The following FGF18 variants were observed in gnomAD, a reference collection of about 807,000 sequenced individuals.
FGF18 encodes fibroblast growth factor 18.
In FGF18, 5 loss-of-function variants were observed where a neutral mutation model predicts 23.0. That is an observed-to-expected ratio of 0.22 (90% CI 0.11 to 0.46). The LOEUF (loss-of-function observed/expected upper bound fraction) is 0.46. Among genes scored for constraint, FGF18 ranks in the 20% least tolerant of loss-of-function variants. The pLI is 0.99. For synonymous variants in FGF18, 117 were observed against 118.9 expected (o/e 0.98, Z 0.10); for missense variants, 180 against 291.6 (o/e 0.62, Z 2.79).
chr5:171,430,168 C>T (rs1006189253), intron 2 of FGF18, among the ~76,000 whole-genome samples: 3 of 151,550 alleles, frequency 2.0e-5, no homozygotes, highest in Non-Finnish European at 4.4e-5. Flanking sequence ...ACCAGCCTGG[C>T]CAAGATGGTG....
At chr5:171,422,257 G>C (rs1303285144) in intron 2 of FGF18, among the ~76,000 whole-genome samples, 1 of 152,096 alleles carries the variant, frequency 6.6e-6, no homozygotes, top group Non-Finnish European at 1.5e-5. Flanking sequence ...CCAGCATCTT[G>C]GGAAAGAGCT....
At chr5:171,439,006 C>T (rs994446126) in intron 3 of FGF18, among the ~76,000 whole-genome samples, 2 of 152,166 alleles carry the variant, frequency 1.3e-5, no homozygotes, top group Non-Finnish European at 2.9e-5. Flanking sequence ...GATTTTATAA[C>T]ATGCAGTCTC....
At chr5:171,455,866 G>A (rs1282066104) in intron 4 of FGF18, among the ~76,000 whole-genome samples, 1 of 152,204 alleles carries the variant, frequency 6.6e-6, no homozygotes, top group Non-Finnish European at 1.5e-5. Context: ...GGCTATCTGG[G>A]TGGAGAGTGG....
chr5:171,441,653 G>A (rs1772347389), intron 3 of FGF18, among the ~76,000 whole-genome samples: 1 of 152,176 alleles, frequency 6.6e-6, no homozygotes, highest in Non-Finnish European at 1.5e-5. Flanking sequence ...CCCACTATCT[G>A]TCTCCCGTGT....
intron 3 of FGF18, among the ~76,000 whole-genome samples, chr5:171,439,292 C>A (rs62383992): frequency 0.033 from 4,992 of 152,286 alleles, 144 homozygotes; most frequent in Non-Finnish European, 0.052. Context: ...AAAGCTCTCC[C>A]AGTACTGAAA....
At position 171,456,793 on chromosome 5, in the gene FGF18, A is replaced by G. The variant is rs760200497; in HGVS notation, c.612A>G (p.Thr204=). Residue 204 remains threonine (T), a synonymous_variant, in exon 5 of 5, where the codon ACA becomes ACG. Coordinates refer to ENST00000274625, the MANE Select transcript of FGF18 (RefSeq NM_003862.3). The surrounding 1 kb of genome is among the most constrained non-coding windows in gnomAD (Gnocchi z 6.1). ...VTKRSRRIRP[T]HPA is the part of the protein sequence containing the mutation. ...AGAGGTCCCGTCGGATCCGGCCCAC[A>G]CACCCTGCCTAGGCCACCCCGCCGC... The G allele has an allele frequency of 1.9e-6, 3 of 1,613,114 alleles. No homozygotes were observed. The highest frequency in any genetic ancestry group is 2.2e-5 in the South Asian group (2 of 91,042).
intron 3 of FGF18, among the ~76,000 whole-genome samples, chr5:171,442,400 G>A (rs895756502): frequency 6.6e-6 from 1 of 152,198 alleles, no homozygotes; most frequent in African/African-American, 2.4e-5. Flanking sequence ...GACTCGGTGT[G>A]ACCTCTCAGT....
In FGF18 at chr5:171,436,123, C is replaced by T. The variant is rs1316355669; in HGVS notation, c.100C>T (p.Arg34Cys). The change falls in exon 3 of 5, where the codon CGC (arginine) becomes TGC (cysteine). Residue 34 changes from arginine to cysteine, a missense_variant. By Grantham distance (180) the Arg-to-Cys change is radical. Around this residue, in one of 3 missense-constraint regions of FGF18, gnomAD observed 57 missense variants for 59.8 expected, o/e 0.95. Coordinates refer to ENST00000274625, the MANE Select transcript of FGF18 (RefSeq NM_003862.3). The surrounding 1 kb of genome is among the most constrained non-coding windows in gnomAD (Gnocchi z 4.4). ...VLVAEENVDF[R>C]IHVENQTRAR... Reference sequence around the variant, plus strand: ...GGTTGCCGAGGAGAACGTGGACTTCCGCATCCACGTGGAGAACCAGACGCG... The same window carrying T: ...GGTTGCCGAGGAGAACGTGGACTTCTGCATCCACGTGGAGAACCAGACGCG... 4 of 1,573,336 alleles carry T rather than the reference C, an allele frequency of 2.5e-6. No homozygotes were observed. The highest frequency in any genetic ancestry group is 1.8e-5 in the Admixed American group (1 of 56,102).
At position 171,456,991 on chromosome 5, in the gene FGF18, T is replaced by C. The variant is rs1772595065; in HGVS notation, c.*186T>C. 1.4e-6 allele frequency: 1 copy of C among 721,622 alleles called. No individual in the cohort carries two copies. Among genetic ancestry groups the C allele is most frequent in the Non-Finnish European group, 2.2e-6 (1 of 454,998 alleles). The allele number at this position is 721,622 out of a possible 1,614,324, so 44.7% of individuals were successfully genotyped here. On this transcript the variant is annotated 3_prime_UTR_variant, in exon 5 of 5. Coordinates refer to ENST00000274625, the MANE Select transcript of FGF18 (RefSeq NM_003862.3). This position sits in a 1 kb window ranked among gnomAD's most constrained non-coding sequence, Gnocchi z 6.1. ...GGTGATAAGGATTTTATTGTTGACTTGAAACCCCCGATGACAAAAGACTCA... is the reference window on the plus strand; with the variant it reads ...GGTGATAAGGATTTTATTGTTGACTCGAAACCCCCGATGACAAAAGACTCA...
In FGF18 at chr5:171,456,819, G is replaced by A. The variant is rs764942549; in HGVS notation, c.*14G>A. The A allele has an allele frequency of 1.9e-5, 31 of 1,598,128 alleles. No individual in the cohort carries two copies. Among genetic ancestry groups the A allele is most frequent in the Middle Eastern group, 1.7e-4 (1 of 5,738 alleles). Reference sequence around the variant, plus strand: ...CACCCTGCCTAGGCCACCCCGCCGCGGCCCCTCAGGTCGCCCTGGCCACAC... The same window carrying A: ...CACCCTGCCTAGGCCACCCCGCCGCAGCCCCTCAGGTCGCCCTGGCCACAC... On this transcript the variant is annotated 3_prime_UTR_variant, in exon 5 of 5. Coordinates refer to ENST00000274625, the MANE Select transcript of FGF18 (RefSeq NM_003862.3). This position sits in a 1 kb window ranked among gnomAD's most constrained non-coding sequence, Gnocchi z 6.1.
chr5:171,451,429 A>G lies in FGF18; in HGVS notation c.357+2176A>G, dbSNP rs1315493361. Among the ~76,000 whole-genome samples, 1 of 152,024 alleles carries G rather than the reference A, an allele frequency of 6.6e-6. No individual in the cohort carries two copies. The highest frequency in any genetic ancestry group is 1.5e-5 in the Non-Finnish European group (1 of 67,974). ...GCTCCTGGGCTGCGGTCCTCTCCACAGCCTCCCTGCCCAGTCGTACCTTAG... is the reference window on the plus strand; with the variant it reads ...GCTCCTGGGCTGCGGTCCTCTCCACGGCCTCCCTGCCCAGTCGTACCTTAG... On this transcript the variant is annotated intron_variant, in intron 4 of 4. Transcript: ENST00000274625. The surrounding 1 kb of genome is among the most constrained non-coding windows in gnomAD (Gnocchi z 4.5).
intron 2 of FGF18, 114 bp downstream of exon 2, chr5:171,420,557 C>G (rs1320243958): frequency 9.8e-7 from 1 of 1,025,282 alleles, no homozygotes; most frequent in African/African-American, 1.6e-5. Context: ...GCGCTGAGCC[C>G]AGTGCACCTG....
At chr5:171,455,323 T>A (rs1012936596) in intron 4 of FGF18, among the ~76,000 whole-genome samples, 5 of 152,206 alleles carry the variant, frequency 3.3e-5, no homozygotes, top group African/African-American at 1.2e-4. Context: ...TCATACCAAG[T>A]ATTAAAATGC....
chr5:171,437,533 C>T (rs939945652), intron 3 of FGF18, among the ~76,000 whole-genome samples: 5 of 152,216 alleles, frequency 3.3e-5, no homozygotes, highest in African/African-American at 4.8e-5. Flanking sequence ...AGCTTTTCCC[C>T]GTTCCCCGTT....
intron 2 of FGF18, among the ~76,000 whole-genome samples, chr5:171,429,722 A>G (rs1344664079): frequency 1.3e-5 from 2 of 152,228 alleles, no homozygotes; most frequent in Admixed American, 6.5e-5. Flanking sequence ...CATGGGTTTC[A>G]TGAAGCCTCA....
chr5:171,443,758 T>TC (rs1772380923), intron 3 of FGF18, among the ~76,000 whole-genome samples: 1 of 152,078 alleles, frequency 6.6e-6, no homozygotes, highest in Non-Finnish European at 1.5e-5. Flanking sequence ...CTGCACTCTT[T>TC]CCCCCTTTGC....
chr5:171,421,252 G>T (rs1032123409), intron 2 of FGF18, among the ~76,000 whole-genome samples: 1 of 152,178 alleles, frequency 6.6e-6, no homozygotes, highest in African/African-American at 2.4e-5. Flanking sequence ...GGGTTGGGGG[G>T]AGGGAGAGAG....
chr5:171,450,863 G>A (rs2113363624), intron 4 of FGF18, among the ~76,000 whole-genome samples: 1 of 152,018 alleles, frequency 6.6e-6, no homozygotes, highest in East Asian at 2.0e-4. Context: ...CGCCTGGGCC[G>A]CCTCCCAGGC....
chr5:171,444,698 C>T (rs1772392971), intron 3 of FGF18, among the ~76,000 whole-genome samples: 1 of 152,076 alleles, frequency 6.6e-6, no homozygotes, highest in African/African-American at 2.4e-5. Flanking sequence ...TGGAATCAGA[C>T]GCTGGACTCA....
Sources: allele counts gnomAD v4.1 joint callset (sites outside exome capture counted in the v4.1 genomes callset), GRCh38; gene constraint gnomAD v4.1.1; regional missense constraint gnomAD v4.1.1; non-coding constraint Gnocchi (gnomAD v3.1); transcripts MANE v1.5; gene names NCBI Gene and HGNC (gene_info 2026-07-23, HGNC 2026-07-21).